Variants in TRIM5 observed in about 807,000 individuals in gnomAD.
TRIM5 encodes the protein tripartite motif containing 5.
TRIM5 carries 31 observed loss-of-function variants against 35.6 expected under a neutral mutation model. The ratio of observed to expected loss-of-function variants is 0.87; its 90% CI spans 0.65 to 1.18. The LOEUF (loss-of-function observed/expected upper bound fraction) is 1.18. TRIM5 is among the 50% of genes most tolerant of loss of function. The pLI, the probability that TRIM5 is intolerant of heterozygous loss-of-function variation, is 0.00. For synonymous variants in TRIM5, 243 were observed against 215.6 expected, an observed-to-expected ratio of 1.13 and a Z score of -1.11; for missense variants, 609 against 591.6, an observed-to-expected ratio of 1.03 and a Z score of -0.31.
chr11:5,649,523 T>C, the TRIM5 span, among the ~76,000 whole-genome samples: 9 of 152,190 alleles, frequency 5.9e-5, no homozygotes, highest in African/African-American at 2.2e-4. Flanking sequence ...TCCTTGATAG[T>C]CAGGATTAAT....
In TRIM5 at chr11:5,665,007, G is replaced by A. The variant is rs774093215; in HGVS notation, c.1284C>T (p.Pro428=). The A allele has an allele frequency of 3.7e-6, 6 of 1,613,944 alleles. No individual in the cohort carries two copies. The highest frequency in any genetic ancestry group is 1.3e-5 in the African/African-American group (1 of 74,894). The part of the protein sequence containing the change: ...FHTPSVPFIV[P]LSVIICPDRV... ...GATCAGGACAAATAATCACAGAGAGGGGCACAATGAAAGGAACAGAAGGAG... is the reference window on the plus strand; with the variant it reads ...GATCAGGACAAATAATCACAGAGAGAGGCACAATGAAAGGAACAGAAGGAG... The change falls in exon 8 of 8, where the codon CCC becomes CCT. Residue 428 remains proline, a synonymous_variant. Transcript: ENST00000380034.
In TRIM5 at chr11:5,663,544, C is replaced by T. The variant is rs55975351; in HGVS notation, c.*1265G>A. 399 of 977,686 alleles carry T rather than the reference C, an allele frequency of 4.1e-4. No homozygotes were observed. The Middle Eastern group carries it at 4.2e-3, about 10-fold the overall frequency. The allele number at this position is 977,686 out of a possible 1,614,324, so 60.6% of individuals were successfully genotyped here. A position where few individuals can be genotyped will look rare whatever the true frequency, so the allele number is the denominator to read the frequency against. ...TTTGTAGAACAAGTACTTATTAGAT[C>T]AAGACACTTAGATAGATGCTTTATA... On this transcript the variant is annotated 3_prime_UTR_variant, in exon 8 of 8. Coordinates refer to ENST00000380034, the MANE Select transcript of TRIM5 (RefSeq NM_033034.3).
chr11:5,596,757 G>T, the TRIM5 span: 8 of 1,294,402 alleles, frequency 6.2e-6, no homozygotes, highest in African/African-American at 1.0e-4. Context: ...GAGCAGAGTC[G>T]TGCGTGGTTG....
the TRIM5 span, chr11:5,643,763 G>A: frequency 6.6e-7 from 1 of 1,524,836 alleles, no homozygotes; most frequent in Non-Finnish European, 8.8e-7. Context: ...TCCTGCAACT[G>A]ACTCATCTGC....
At position 5,664,345 on chromosome 11, in the gene TRIM5, A is replaced by C; in HGVS notation, c.*464T>G. The C allele has an allele frequency of 1.0e-6, 1 of 992,030 alleles. No homozygotes were observed. The highest frequency in any genetic ancestry group is 1.7e-5 in the African/African-American group (1 of 57,418). The allele number at this position is 992,030 out of a possible 1,614,324, so 61.5% of individuals were successfully genotyped here. On this transcript the variant is annotated 3_prime_UTR_variant, in exon 8 of 8. Coordinates refer to ENST00000380034, the MANE Select transcript of TRIM5 (RefSeq NM_033034.3). ...ATACAAAACCTCTATACTTAAGAGTATACCATTTATGATATTTTCTCTTTA... is the reference window on the plus strand; with the variant it reads ...ATACAAAACCTCTATACTTAAGAGTCTACCATTTATGATATTTTCTCTTTA...
intron 2 of TRIM5, among the ~76,000 whole-genome samples, 170 bp downstream of exon 2, chr11:5,679,591 G>A (rs1318199593): frequency 6.6e-6 from 1 of 151,926 alleles, no homozygotes; most frequent in African/African-American, 2.4e-5. Context: ...CTGTAATTGG[G>A]TGAAATGCAA....
chr11:5,643,328 C>G, the TRIM5 span: 120 of 1,613,754 alleles, frequency 7.4e-5, no homozygotes, highest in Non-Finnish European at 1.0e-4. Context: ...CTGCCTGGAT[C>G]CTGGGGGTAT....
chr11:5,619,738 T>A, the TRIM5 span: 6 of 136,296 alleles, frequency 4.4e-5, no homozygotes, highest in Non-Finnish European at 6.2e-5. Flanking sequence ...TGAGCCTCAC[T>A]CTGTTGCCCA....
rs780862201 is a variant in TRIM5, at chr11:5,665,175, G to T, written c.1116C>A (p.Ile372=). Residue 372 remains isoleucine (I), a synonymous_variant, in exon 8 of 8, where the codon ATC becomes ATA. Coordinates refer to ENST00000380034, the MANE Select transcript of TRIM5 (RefSeq NM_033034.3). Reference sequence around the variant, plus strand: ...GTTGGAAGCCAGCACATACCCCCAGGATCCAAGCAGTTTTCTTGGACACGT... The same window carrying T: ...GTTGGAAGCCAGCACATACCCCCAGTATCCAAGCAGTTTTCTTGGACACGT... ...EVDVSKKTAW[I]LGVCAGFQPD... 6.2e-7 allele frequency: 1 copy of T among 1,613,900 alleles called. No homozygotes were observed. Among genetic ancestry groups the T allele is most frequent in the Admixed American group, 1.7e-5 (1 of 59,976 alleles).
At chr11:5,644,552 G>A in the TRIM5 span, among the ~76,000 whole-genome samples, 1 of 152,222 alleles carries the variant, frequency 6.6e-6, no homozygotes, top group African/African-American at 2.4e-5. Context: ...TATACTGAGA[G>A]TGGGACTGTT....
the TRIM5 span, among the ~76,000 whole-genome samples, chr11:5,601,254 C>T: frequency 3.3e-5 from 5 of 152,208 alleles, no homozygotes; most frequent in South Asian, 8.3e-4. Flanking sequence ...AGTTTGAGGA[C>T]GAAGCTTTGA....
the TRIM5 span, chr11:5,641,037 C>T: frequency 7.6e-7 from 1 of 1,320,550 alleles, no homozygotes; most frequent in South Asian, 1.9e-5. Context: ...AAATGTTTGC[C>T]AATTTTGTTG....
chr11:5,668,962 A>G (rs1252604598), intron 4 of TRIM5, among the ~76,000 whole-genome samples: 1 of 151,894 alleles, frequency 6.6e-6, no homozygotes, highest in East Asian at 1.9e-4. Flanking sequence ...CACCAACCAT[A>G]CTGTCTTCTC....
the TRIM5 span, chr11:5,643,553 C>T: frequency 8.1e-6 from 13 of 1,614,146 alleles, no homozygotes; most frequent in South Asian, 1.1e-5. Context: ...GGGTTTTCCT[C>T]GACTATGAAG....
the TRIM5 span, chr11:5,626,866 G>T: frequency 6.7e-6 from 1 of 150,246 alleles, no homozygotes; most frequent in African/African-American, 2.5e-5. Context: ...TGGGGGAAAA[G>T]AGCAAGACTC....
At chr11:5,656,397 A>G in the TRIM5 span, among the ~76,000 whole-genome samples, 1 of 147,688 alleles carries the variant, frequency 6.8e-6, no homozygotes, top group African/African-American at 2.5e-5. Flanking sequence ...TCTGTTGCCC[A>G]CACCAGAGTG....
chr11:5,608,328 A>G, the TRIM5 span: 1 of 1,607,304 alleles, frequency 6.2e-7, no homozygotes, highest in Non-Finnish European at 8.5e-7. Context: ...GGATAAGGGC[A>G]TGACCTGTTA....
At chr11:5,596,984 A>T in the TRIM5 span, 1 of 1,611,112 alleles carries the variant, frequency 6.2e-7, no homozygotes, top group Non-Finnish European at 8.5e-7. Flanking sequence ...AGTGAAAGAG[A>T]TAAGGTCCTT....
the TRIM5 span, among the ~76,000 whole-genome samples, chr11:5,615,977 G>C: frequency 1.4e-5 from 2 of 140,168 alleles, no homozygotes; most frequent in East Asian, 2.2e-4. Context: ...CTGTCTCCCA[G>C]GCTGGAGTGA....
Sources: allele counts gnomAD v4.1 joint callset (sites outside exome capture counted in the v4.1 genomes callset), GRCh38; gene constraint gnomAD v4.1.1; transcripts MANE v1.5; gene names NCBI Gene and HGNC (gene_info 2026-07-23, HGNC 2026-07-21).